Variants in ACYP2 observed in about 807,000 individuals in gnomAD.
The protein encoded by ACYP2 is acylphosphatase-2.
In ACYP2, 12 loss-of-function variants were observed where a neutral mutation model predicts 11.2. The observed-to-expected ratio is 1.08, with a 90% CI of 0.69 to 1.74. The LOEUF (loss-of-function observed/expected upper bound fraction) is 1.74, where lower values mean the gene tolerates loss of function less well. Among genes scored for constraint, ACYP2 ranks in the 40% most tolerant of loss-of-function variants. ACYP2 has a pLI of 0.00. For missense variants in ACYP2, 134 were observed against 101.9 expected, an observed-to-expected ratio of 1.31 and a Z score of -1.35; for synonymous variants, 43 against 32.2, an observed-to-expected ratio of 1.33 and a Z score of -1.13.
At chr2:54,259,367 G>C (rs1687685405) in intron 6 of ACYP2, among the ~76,000 whole-genome samples, 1 of 152,256 alleles carries the variant, frequency 6.6e-6, no homozygotes, top group Non-Finnish European at 1.5e-5. Flanking sequence ...TCAAAGGGTT[G>C]GATGAGAACA....
intron 6 of ACYP2, among the ~76,000 whole-genome samples, chr2:54,161,929 AAAG>A (rs1200562961): frequency 6.6e-6 from 1 of 152,116 alleles, no homozygotes; most frequent in Admixed American, 6.5e-5. Context: ...CTTTGTTTTA[AAAG>A]AAGCAGCTAT....
At chr2:54,112,807 C>T (rs952075186) in intron 4 of ACYP2, among the ~76,000 whole-genome samples, 3 of 152,168 alleles carry the variant, frequency 2.0e-5, no homozygotes, top group African/African-American at 4.8e-5. Context: ...TAAAAATTTC[C>T]GTTTGCTAAT....
At position 54,041,467 on chromosome 2, in the gene ACYP2, A is replaced by G. The variant is rs181889639; in HGVS notation, c.63-9491A>G. On this transcript the variant is annotated intron_variant, in intron 2 of 6. Coordinates refer to ENST00000607452, the MANE Select transcript of ACYP2 (RefSeq NM_001320586.2). The stretch of plus-strand genomic sequence containing the variant: ...AAGGTGTGAAATAGTCACCCAGGAG[A>G]GTGGGAGAATAAAAGGGCCAGGGAA... Among the ~76,000 whole-genome samples the G allele has an allele frequency of 1.1e-4, 16 of 152,220 alleles. No individual in the cohort carries two copies. In the East Asian group the frequency reaches 2.5e-3, roughly 24 times the overall value.
Position 54,126,189 on chromosome 2 carries a change from G to A in ACYP2, c.278-9264G>A, listed in dbSNP as rs867804853. On this transcript the variant is annotated intron_variant, in intron 4 of 6. Transcript: ENST00000607452. ...GCAGAAGAAGATAGGTAATAATAAC[G>A]TATGTATTTTTGTGACTGTACACAC... is the stretch of plus-strand genomic sequence containing the variant. Among the ~76,000 whole-genome samples, 18 of 152,292 alleles carry A rather than the reference G, an allele frequency of 1.2e-4. No individual in the cohort carries two copies. The Middle Eastern group carries it at 0.01, about 86-fold the overall frequency.
At chr2:54,265,163 C>T (rs1009630749) in intron 6 of ACYP2, among the ~76,000 whole-genome samples, 1 of 152,054 alleles carries the variant, frequency 6.6e-6, no homozygotes, top group East Asian at 1.9e-4. Context: ...CTGATAAAGA[C>T]ATAGCTGAGA....
chr2:54,123,746 A>G (rs973651681), intron 4 of ACYP2, among the ~76,000 whole-genome samples: 2 of 152,110 alleles, frequency 1.3e-5, no homozygotes, highest in Non-Finnish European at 2.9e-5. Flanking sequence ...TCCAATCATA[A>G]TATTCATACC....
chr2:53,976,174 A>G (rs1346565996), intron 2 of ACYP2, among the ~76,000 whole-genome samples: 1 of 152,194 alleles, frequency 6.6e-6, no homozygotes, highest in Middle Eastern at 3.2e-3. Context: ...CTAGAGATAT[A>G]TTGGCAAGTG....
chr2:54,266,813 G>C (rs1688050981), intron 6 of ACYP2, among the ~76,000 whole-genome samples: 1 of 151,632 alleles, frequency 6.6e-6, no homozygotes, highest in African/African-American at 2.4e-5. Context: ...GTTTCACCGT[G>C]TTAGCCAGGA....
At chr2:54,027,469 A>G (rs904245610) in intron 2 of ACYP2, among the ~76,000 whole-genome samples, 19 of 152,132 alleles carry the variant, frequency 1.2e-4, no homozygotes, top group Non-Finnish European at 2.2e-4. Flanking sequence ...ATTCCATCAT[A>G]CCTTTTGTCT....
chr2:54,165,057 T>C (rs1248584701), intron 6 of ACYP2, among the ~76,000 whole-genome samples: 2 of 152,238 alleles, frequency 1.3e-5, no homozygotes, highest in Non-Finnish European at 2.9e-5. Context: ...TTTTTATGGC[T>C]GTATAGTATT....
intron 6 of ACYP2, among the ~76,000 whole-genome samples, chr2:54,248,979 C>A (rs376084826): frequency 6.6e-6 from 1 of 151,898 alleles, no homozygotes; most frequent in South Asian, 2.1e-4. Context: ...GGCACAGAAT[C>A]GGGACTGTAC....
At chr2:54,199,774 C>G (rs558003437) in intron 6 of ACYP2, among the ~76,000 whole-genome samples, 1 of 152,312 alleles carries the variant, frequency 6.6e-6, no homozygotes, top group African/African-American at 2.4e-5. Flanking sequence ...GCTGCAGAGC[C>G]AGGATTTCAA....
At chr2:54,257,858 G>C (rs1049227798) in intron 6 of ACYP2, among the ~76,000 whole-genome samples, 1 of 152,128 alleles carries the variant, frequency 6.6e-6, no homozygotes, top group Non-Finnish European at 1.5e-5. Context: ...AATAGACCTA[G>C]AGACAATAAA....
At chr2:54,111,380 T>C (rs1679454078) in intron 4 of ACYP2, among the ~76,000 whole-genome samples, 1 of 152,208 alleles carries the variant, frequency 6.6e-6, no homozygotes, top group Admixed American at 6.5e-5. Flanking sequence ...GGACCAACCA[T>C]GCCCTCTCCT....
At chr2:54,115,659 AG>A (rs746950357) in intron 4 of ACYP2, 19 of 1,600,820 alleles carry the variant, frequency 1.2e-5, no homozygotes, top group Non-Finnish European at 1.4e-5. Flanking sequence ...CTGCGCCCCG[AG>A]CCCCTCTCCG....
Position 54,264,587 on chromosome 2 carries a change from G to A in ACYP2, c.405-40101G>A, listed in dbSNP as rs1167183561. On this transcript the variant is annotated intron_variant, in intron 6 of 6. Coordinates refer to ENST00000607452, the MANE Select transcript of ACYP2 (RefSeq NM_001320586.2). Reference sequence around the variant, plus strand: ...AACTCACATGTAAAAAACAAGGTGGGAGGAAAGGGAGAAGGTCCAAGGTAA... The same window carrying A: ...AACTCACATGTAAAAAACAAGGTGGAAGGAAAGGGAGAAGGTCCAAGGTAA... 2.0e-5 allele frequency among the ~76,000 whole-genome samples: 3 copies of A among 152,236 alleles called. No individual in the cohort carries two copies. The South Asian group carries it at 6.2e-4, about 32-fold the overall frequency.
intron 6 of ACYP2, among the ~76,000 whole-genome samples, chr2:54,219,541 A>G (rs575487089): frequency 3.9e-5 from 6 of 152,294 alleles, no homozygotes; most frequent in African/African-American, 1.4e-4. Flanking sequence ...GTTTAAAAGA[A>G]TCATTCACAG....
At chr2:54,068,683 G>T (rs967804115) in intron 4 of ACYP2, among the ~76,000 whole-genome samples, 6 of 152,090 alleles carry the variant, frequency 3.9e-5, no homozygotes, top group African/African-American at 1.4e-4. Context: ...TTTGCTAAAG[G>T]TAACATGAGT....
chr2:54,029,775 C>T (rs1674484770), intron 2 of ACYP2: 9 of 593,468 alleles, frequency 1.5e-5, no homozygotes, highest in Non-Finnish European at 1.9e-5. Context: ...ATTGTAGGCT[C>T]TTCCAGTTTA....
Sources: allele counts gnomAD v4.1 joint callset (sites outside exome capture counted in the v4.1 genomes callset), GRCh38; gene constraint gnomAD v4.1.1; transcripts MANE v1.5; gene names NCBI Gene and HGNC (gene_info 2026-07-23, HGNC 2026-07-21).